The following ST7L variants were observed in gnomAD, a reference collection of about 807,000 sequenced individuals.
The protein encoded by ST7L is suppressor of tumorigenicity 7 protein-like.
In ST7L, 57 loss-of-function variants were observed where a neutral mutation model predicts 72.5. The observed-to-expected ratio is 0.79, with a 90% CI of 0.64 to 0.98. ST7L has a LOEUF of 0.98. Among genes scored for constraint, ST7L ranks in the 50% least tolerant of loss-of-function variants. ST7L has a pLI of 0.00. For synonymous variants in ST7L, 221 were observed against 240.9 expected, an observed-to-expected ratio of 0.92 and a Z score of 0.77; for missense variants, 576 against 672.2, an observed-to-expected ratio of 0.86 and a Z score of 1.58.
In ST7L at chr1:112,577,090, T is replaced by C. The variant is rs928675679; in HGVS notation, c.1143-2A>G. On this transcript the variant is annotated splice_acceptor_variant, in intron 10 of 14. Transcript: ENST00000358039. LOFTEE classifies it high-confidence loss of function. ...CTGGAGGCTGTTTCTGGAGAGAATC[T>C]ACAAGAAAACCACAAAATGAAAAAA... The C allele has an allele frequency of 1.3e-6, 2 of 1,560,856 alleles. No homozygotes were observed. The highest frequency in any genetic ancestry group is 1.7e-6 in the Non-Finnish European group (2 of 1,152,552).
intron 11 of ST7L, among the ~76,000 whole-genome samples, chr1:112,556,465 A>C (rs918312520): frequency 6.6e-6 from 1 of 152,194 alleles, no homozygotes; most frequent in Admixed American, 6.6e-5. Flanking sequence ...ATATTTGTGC[A>C]ATTCTTTTTT....
chr1:112,597,735 C>G (rs1441556602), intron 5 of ST7L, among the ~76,000 whole-genome samples: 2 of 152,018 alleles, frequency 1.3e-5, no homozygotes, highest in South Asian at 2.1e-4. Flanking sequence ...TATATTTGAT[C>G]TGAAAGGTTT....
intron 14 of ST7L, among the ~76,000 whole-genome samples, chr1:112,536,946 C>T (rs893921367): frequency 3.3e-5 from 5 of 151,994 alleles, no homozygotes; most frequent in Middle Eastern, 3.4e-3. Flanking sequence ...CTGTAACACC[C>T]TTTTCTGCCA....
intron 1 of ST7L, among the ~76,000 whole-genome samples, chr1:112,617,751 A>G (rs978987323): frequency 6.6e-6 from 1 of 151,062 alleles, no homozygotes; most frequent in African/African-American, 2.5e-5. Context: ...ACACACACAC[A>G]CACACGAAAC....
intron 2 of ST7L, among the ~76,000 whole-genome samples, chr1:112,612,519 T>C (rs1171360116): frequency 6.6e-6 from 1 of 152,094 alleles, no homozygotes; most frequent in Non-Finnish European, 1.5e-5. Context: ...ACAGAACAAA[T>C]ATGCTACATA....
chr1:112,579,393 A>C (rs1186976258), intron 9 of ST7L, among the ~76,000 whole-genome samples: 4 of 151,220 alleles, frequency 2.6e-5, no homozygotes, highest in African/African-American at 9.7e-5. Context: ...AAAAAAAAAA[A>C]AAAAAAACAA....
downstream of ST7L, chr1:112,521,311 C>CTTTTTTTTTTTTTTTT (rs5777124): frequency 4.3e-4 from 53 of 122,090 alleles, no homozygotes; most frequent in East Asian, 9.8e-4. Flanking sequence ...CTTGTGTTGC[C>CTTTTTTTTTTTTTTTT]TTTTTTTTTT....
At chr1:112,556,966 C>CAAAAAAAAAAAAAAAAAAAAAA (rs60106072) in intron 11 of ST7L, among the ~76,000 whole-genome samples, 35 of 49,536 alleles carry the variant, frequency 7.1e-4, no homozygotes, top group Admixed American at 1.0e-3. Flanking sequence ...GACTCTGTCT[C>CAAAAAAAAAAAAAAAAAAAAAA]AAAAAAAAAA....
At chr1:112,561,879 T>TA (rs36107520) in intron 11 of ST7L, among the ~76,000 whole-genome samples, 29,386 of 151,416 alleles carry the variant, frequency 0.19, 3,553 homozygotes, top group East Asian at 0.46. Flanking sequence ...CTTTAAAAGG[T>TA]AAAAAAATGG....
At chr1:112,601,949 G>A (rs1039927662) in intron 3 of ST7L, among the ~76,000 whole-genome samples, 7 of 152,068 alleles carry the variant, frequency 4.6e-5, no homozygotes, top group African/African-American at 9.6e-5. Flanking sequence ...ATGGTGGTGC[G>A]TGCCTGTAAT....
intron 11 of ST7L, among the ~76,000 whole-genome samples, chr1:112,568,853 TAA>T (rs1167137859): frequency 1.3e-3 from 117 of 90,688 alleles, no homozygotes; most frequent in African/African-American, 4.7e-3. Flanking sequence ...TTTATAAATA[TAA>T]ATATAAATAT....
At chr1:112,567,871 T>A (rs1015065841) in intron 11 of ST7L, among the ~76,000 whole-genome samples, 1 of 152,214 alleles carries the variant, frequency 6.6e-6, no homozygotes, top group African/African-American at 2.4e-5. Flanking sequence ...TTTAGAAGAA[T>A]TCAGCTATAG....
chr1:112,614,843 ACTT>A (rs778614855), intron 2 of ST7L, among the ~76,000 whole-genome samples: 29 of 152,216 alleles, frequency 1.9e-4, no homozygotes, highest in Non-Finnish European at 7.3e-5. Context: ...ATGGCATAAA[ACTT>A]CTTAAGATTT....
intron 14 of ST7L, among the ~76,000 whole-genome samples, chr1:112,535,977 TAAAG>T (rs1318253428): frequency 6.6e-6 from 1 of 152,082 alleles, no homozygotes; most frequent in Non-Finnish European, 1.5e-5. Context: ...ACTGCCCAAA[TAAAG>T]ACTTTAGATG....
intron 6 of ST7L, among the ~76,000 whole-genome samples, chr1:112,589,149 TGGG>T (rs1398632423): frequency 6.6e-6 from 1 of 152,214 alleles, no homozygotes; most frequent in Non-Finnish European, 1.5e-5. Flanking sequence ...ATCATTATCA[TGGG>T]TTCCTTTACT....
chr1:112,576,503 C>T (rs576443507), intron 11 of ST7L, among the ~76,000 whole-genome samples: 29 of 152,196 alleles, frequency 1.9e-4, no homozygotes, highest in African/African-American at 5.3e-4. Flanking sequence ...TCATTGGGGA[C>T]GAAATAAGCA....
At chr1:112,518,296 G>T in the ST7L span, 6 of 152,332 alleles carry the variant, frequency 3.9e-5, no homozygotes, top group Non-Finnish European at 7.3e-5. Context: ...TTCTCCTCTG[G>T]TTATTGCTGT....
At chr1:112,534,530 G>T (rs1654877450) in intron 14 of ST7L, among the ~76,000 whole-genome samples, 1 of 152,118 alleles carries the variant, frequency 6.6e-6, no homozygotes, top group South Asian at 2.1e-4. Flanking sequence ...TCTTGGTTTA[G>T]AATTGTAATA....
At chr1:112,540,261 C>T (rs1392793798) in intron 14 of ST7L, 55 of 985,304 alleles carry the variant, frequency 5.6e-5, no homozygotes, top group Non-Finnish European at 6.1e-5. Flanking sequence ...TCATCTCTCC[C>T]ATTGCTTGCC....
Sources: gnomAD v4.1 joint callset for allele counts (sites outside exome capture counted in the v4.1 genomes callset) on GRCh38, gnomAD v4.1.1 for gene constraint, MANE v1.5 for transcripts, NCBI Gene and HGNC (gene_info 2026-07-23, HGNC 2026-07-21) for gene names.